The following ADH6 variants were observed in gnomAD, a reference collection of about 807,000 sequenced individuals.
ADH6 encodes the protein alcohol dehydrogenase 6.
A neutral mutation model predicts 36.5 loss-of-function variants in ADH6; 34 were observed. That is an observed-to-expected ratio of 0.93 (90% CI 0.71 to 1.24). The LOEUF (loss-of-function observed/expected upper bound fraction) is 1.24, where lower values mean the gene tolerates loss of function less well. Ranked by LOEUF, ADH6 falls within the 50% of genes most tolerant of loss-of-function variation. The probability of loss-of-function intolerance (pLI) is 0.00; values close to 1 mark genes in which losing one functional copy is unlikely to be tolerated. For missense variants in ADH6, 440 were observed against 447.0 expected (o/e 0.98, Z 0.14); for synonymous variants, 161 against 155.5 (o/e 1.04, Z -0.26).
At chr4:99,217,006 T>A (rs1286306498) in intron 1 of ADH6, among the ~76,000 whole-genome samples, 8 of 152,108 alleles carry the variant, frequency 5.3e-5, no homozygotes, top group Non-Finnish European at 1.5e-5. Context: ...ATTGAATTTA[T>A]TCCTTCTATC....
At chr4:99,207,027 A>G (rs1009197654) in intron 7 of ADH6, among the ~76,000 whole-genome samples, 1 of 152,084 alleles carries the variant, frequency 6.6e-6, no homozygotes, top group Non-Finnish European at 1.5e-5. Flanking sequence ...TTGAGTTGGT[A>G]GCGTGACAAC....
intron 6 of ADH6, 168 bp downstream of exon 6, chr4:99,208,500 A>T: frequency 1.5e-6 from 1 of 650,864 alleles, no homozygotes; most frequent in Non-Finnish European, 2.5e-6. Context: ...TATCTGGGAT[A>T]GTGAACAAAT....
Position 99,210,196 on chromosome 4 carries a change from T to C in ADH6, c.453A>G (p.Thr151=). The C allele has an allele frequency of 5.0e-6, 8 of 1,613,848 alleles. No homozygotes were observed. Among genetic ancestry groups the C allele is most frequent in the Non-Finnish European group, 6.8e-6 (8 of 1,179,836 alleles). Residue 151 remains threonine (T), a synonymous_variant, in exon 5 of 9, where the codon ACA becomes ACG. Coordinates refer to ENST00000394899, the MANE Select transcript of ADH6 (RefSeq NM_001102470.2). ...TGGCAACTGAGATTTCCTTTATCACTGTGTATTCACAGAAGGTGCTGGTAT... is the reference window on the plus strand; with the variant it reads ...TGGCAACTGAGATTTCCTTTATCACCGTGTATTCACAGAAGGTGCTGGTAT... ...FGNTSTFCEY[T]VIKEISVAKI...
intron 3 of ADH6, among the ~76,000 whole-genome samples, chr4:99,211,632 G>A (rs763061392): frequency 9.2e-5 from 14 of 152,114 alleles, no homozygotes; most frequent in Non-Finnish European, 2.1e-4. Context: ...ATGTAACTAA[G>A]TTCACTAATC....
intron 6 of ADH6, 34 bp from the exon 7 acceptor site, chr4:99,207,615 T>C: frequency 1.9e-6 from 3 of 1,599,730 alleles, no homozygotes; most frequent in Non-Finnish European, 2.6e-6. Context: ...GTATAGGGGT[T>C]AAAAGATGTA....
At chr4:99,204,747 AG>A in intron 8 of ADH6, 177 bp downstream of exon 8, 2 of 1,286,572 alleles carry the variant, frequency 1.6e-6, no homozygotes, top group Non-Finnish European at 2.0e-6. Flanking sequence ...GTATTTTATT[AG>A]CTAGAAATAA....
intron 7 of ADH6, among the ~76,000 whole-genome samples, chr4:99,206,470 T>C (rs1278770093): frequency 6.6e-6 from 1 of 151,986 alleles, no homozygotes; most frequent in Non-Finnish European, 1.5e-5. Context: ...ATAAATACAA[T>C]AGAGAGAAAT....
At chr4:99,208,164 G>T (rs1731102976) in intron 6 of ADH6, among the ~76,000 whole-genome samples, 1 of 152,124 alleles carries the variant, frequency 6.6e-6, no homozygotes, top group Non-Finnish European at 1.5e-5. Flanking sequence ...CTAGACGATA[G>T]AGCCATGCAA....
Position 99,204,958 on chromosome 4 carries a change from T to A in ADH6, c.1070A>T (p.Asn357Ile). 6.2e-7 allele frequency: 1 copy of A among 1,609,598 alleles called. No homozygotes were observed. Among genetic ancestry groups the A allele is most frequent in the Non-Finnish European group, 8.5e-7 (1 of 1,178,374 alleles). The change falls in exon 8 of 9, where the codon AAT (asparagine) becomes ATT (isoleucine). Residue 357 changes from asparagine to isoleucine, a missense_variant. By Grantham distance (149) the Asn-to-Ile change is moderately radical (BLOSUM62 -3). Coordinates refer to ENST00000394899, the MANE Select transcript of ADH6 (RefSeq NM_001102470.2). ...ITHTLNLDKI[N>I]EAVELMKTGK... ...AGTTTTCATTAATTCAACTGCTTCA[T>A]TGATTTTATCAAGATTCAGAGTATG...
At chr4:99,213,561 G>T in intron 3 of ADH6, 45 bp downstream of exon 3, 3 of 1,536,484 alleles carry the variant, frequency 2.0e-6, no homozygotes, top group East Asian at 4.7e-5. Context: ...TCTCGAGTTG[G>T]TTCCAAGTTG....
intron 5 of ADH6, 88 bp downstream of exon 5, chr4:99,209,994 G>T: frequency 7.4e-7 from 1 of 1,360,126 alleles, no homozygotes; most frequent in Non-Finnish European, 1.0e-6. Context: ...TTTTTCCTTT[G>T]GTATGATAAG....
intron 1 of ADH6, 23 bp downstream of exon 1, chr4:99,219,112 A>G (rs1167611897): frequency 6.2e-7 from 1 of 1,606,898 alleles, no homozygotes; most frequent in African/African-American, 1.3e-5. Flanking sequence ...ATGACACAAC[A>G]TAAAGAATAA....
In ADH6 at chr4:99,204,743, T is replaced by G. The variant is rs115864341; in HGVS notation, c.1103+182A>C. On this transcript the variant is annotated intron_variant, in intron 8 of 8. Transcript: ENST00000394899. ...TAAATACTTTCAGGATTATGTATTT[T>G]ATTAGCTAGAAATAAAACAAAATGC... 2.5e-3 allele frequency: 3,201 copies of G among 1,286,000 alleles called. 47 individuals carry two copies. In the African/African-American group the frequency reaches 0.04, roughly 16 times the overall value. The allele number at this position is 1,286,000 out of a possible 1,614,324, so 79.7% of individuals were successfully genotyped here.
intron 5 of ADH6, among the ~76,000 whole-genome samples, chr4:99,209,849 C>G (rs887261956): frequency 6.6e-6 from 1 of 152,018 alleles, no homozygotes; most frequent in Admixed American, 6.6e-5. Flanking sequence ...CCTGATCTTT[C>G]CACTTGTGAA....
intron 6 of ADH6, chr4:99,208,331 G>T: frequency 5.5e-6 from 1 of 182,402 alleles, no homozygotes; most frequent in East Asian, 1.4e-4. Flanking sequence ...CCGTTTAATC[G>T]TGACTAGTAA....
chr4:99,216,219 G>T lies in ADH6; in HGVS notation c.62C>A (p.Pro21Gln). ...KAAILWKPGA[P>Q]FSIEEVEVAP... is the part of the protein sequence containing the mutation. ...CACTTCTACCTCTTCAATAGAAAAT[G>T]GTGCACCAGGCTTCCAGAGTATGGC... Residue 21 changes from proline (P) to glutamine (Q), a missense_variant, in exon 2 of 9, where the codon CCA becomes CAA. Coordinates refer to ENST00000394899, the MANE Select transcript of ADH6 (RefSeq NM_001102470.2). 3.8e-6 allele frequency: 6 copies of T among 1,577,740 alleles called. No homozygotes were observed. The South Asian group carries it at 4.7e-5, about 12-fold the overall frequency.
intron 8 of ADH6, 84 bp downstream of exon 8, chr4:99,204,841 A>G: frequency 1.3e-6 from 2 of 1,492,790 alleles, no homozygotes; most frequent in Non-Finnish European, 1.8e-6. Flanking sequence ...TGCAGCAGGG[A>G]CGACCCTTCT....
At chr4:99,204,496 G>C (rs952867400) in intron 8 of ADH6, 1 of 1,301,268 alleles carries the variant, frequency 7.7e-7, no homozygotes. Context: ...TCTGTTTTTT[G>C]GGTCAAAGAT....
In ADH6 at chr4:99,216,135, ATTTTTTTTT is replaced by A; in HGVS notation, c.120+17_120+25del. ...GCTCTGGCTTTTGGCTTTTGGTGTG[ATTTTTTTTT>A]TTTTTTTTTTTTTTACCTTTATGCG... On this transcript the variant is annotated intron_variant, in intron 2 of 8. Coordinates refer to ENST00000394899, the MANE Select transcript of ADH6 (RefSeq NM_001102470.2). 6.9e-6 allele frequency: 6 copies of A among 864,718 alleles called. No homozygotes were observed. Among genetic ancestry groups the A allele is most frequent in the South Asian group, 2.9e-5 (1 of 34,698 alleles). The allele number at this position is 864,718 out of a possible 1,614,324, so 53.6% of individuals were successfully genotyped here.
Sources: gnomAD v4.1 joint callset for allele counts (sites outside exome capture counted in the v4.1 genomes callset) on GRCh38, gnomAD v4.1.1 for gene constraint, MANE v1.5 for transcripts, NCBI Gene and HGNC (gene_info 2026-07-23, HGNC 2026-07-21) for gene names.